FCHSD2: variants seen among roughly 807,000 people sequenced by gnomAD.
FCHSD2 encodes the protein F-BAR and double SH3 domains protein 2.
FCHSD2 carries 38 observed loss-of-function variants against 108.1 expected under a neutral mutation model. The observed-to-expected ratio is 0.35, with a 90% CI of 0.27 to 0.46. The LOEUF (loss-of-function observed/expected upper bound fraction) is 0.46, where lower values mean the gene tolerates loss of function less well. Ranked by LOEUF, FCHSD2 falls within the 20% of genes least tolerant of loss-of-function variation. FCHSD2 has a pLI of 1.00. For synonymous variants in FCHSD2, 279 were observed against 314.7 expected, an observed-to-expected ratio of 0.89 and a Z score of 1.20; for missense variants, 751 against 897.8, an observed-to-expected ratio of 0.84 and a Z score of 2.09.
At chr11:73,134,255 G>T (rs1861070921) in intron 2 of FCHSD2, among the ~76,000 whole-genome samples, 1 of 152,124 alleles carries the variant, frequency 6.6e-6, no homozygotes, top group Non-Finnish European at 1.5e-5. Context: ...AGGATCACTT[G>T]AGCCCAGGAG....
chr11:72,907,213 T>C (rs1488779244), intron 9 of FCHSD2, among the ~76,000 whole-genome samples: 2 of 152,232 alleles, frequency 1.3e-5, no homozygotes, highest in Admixed American at 6.5e-5. Flanking sequence ...AAGTTGCTTA[T>C]CAGCTTAAGG....
At chr11:72,937,681 T>C (rs1856331394) in intron 8 of FCHSD2, among the ~76,000 whole-genome samples, 1 of 152,194 alleles carries the variant, frequency 6.6e-6, no homozygotes, top group South Asian at 2.1e-4. Context: ...CCAAGAACTA[T>C]GCTTAGCATT....
In FCHSD2 at chr11:72,984,372, A is replaced by C. The variant is rs574872788; in HGVS notation, c.577-156T>G. Among the ~76,000 whole-genome samples the C allele has an allele frequency of 3.9e-4, 60 of 152,302 alleles. No homozygotes were observed. The highest frequency in any genetic ancestry group is 6.2e-4 in the South Asian group (3 of 4,832). ...TATACGTATATAAAAATTATTCATCACTACTAAGGAATGAAACAGTGACTA... is the reference window on the plus strand; with the variant it reads ...TATACGTATATAAAAATTATTCATCCCTACTAAGGAATGAAACAGTGACTA... On this transcript the variant is annotated intron_variant, in intron 7 of 19. Transcript: ENST00000409418.
intron 9 of FCHSD2, among the ~76,000 whole-genome samples, chr11:72,911,443 T>A (rs1476582893): frequency 2.0e-5 from 3 of 152,216 alleles, no homozygotes; most frequent in Non-Finnish European, 4.4e-5. Context: ...TTGTTCAGGA[T>A]AGCTGGATAG....
At chr11:73,071,009 T>A (rs1284610884) in intron 3 of FCHSD2, among the ~76,000 whole-genome samples, 2 of 152,188 alleles carry the variant, frequency 1.3e-5, no homozygotes, top group African/African-American at 2.4e-5. Flanking sequence ...ATTTGTCCAA[T>A]TCCACAAGCA....
At chr11:73,015,104 C>A (rs375875859) in intron 4 of FCHSD2, among the ~76,000 whole-genome samples, 8 of 152,218 alleles carry the variant, frequency 5.3e-5, no homozygotes, top group African/African-American at 1.9e-4. Flanking sequence ...TTGGCCTCCC[C>A]AAGTGCTGGG....
chr11:73,074,510 G>C (rs986857261), intron 3 of FCHSD2, among the ~76,000 whole-genome samples: 1 of 151,970 alleles, frequency 6.6e-6, no homozygotes, highest in African/African-American at 2.4e-5. Context: ...AAAAATTCCA[G>C]AACATTGCAT....
At chr11:72,962,601 C>CT (rs10688506) in intron 8 of FCHSD2, among the ~76,000 whole-genome samples, 122,731 of 147,854 alleles carry the variant, frequency 0.83, 51,015 homozygotes, top group East Asian at 1. Context: ...TAAATTCCCC[C>CT]TTTTTTTTTT....
At chr11:72,957,561 A>G (rs1168100714) in intron 8 of FCHSD2, among the ~76,000 whole-genome samples, 2 of 150,980 alleles carry the variant, frequency 1.3e-5, no homozygotes, top group Non-Finnish European at 2.9e-5. Flanking sequence ...GATTTAATAA[A>G]TGATCCTGGA....
chr11:72,865,790 A>G (rs1263903159), intron 13 of FCHSD2, among the ~76,000 whole-genome samples: 5 of 152,200 alleles, frequency 3.3e-5, no homozygotes, highest in Non-Finnish European at 7.3e-5. Flanking sequence ...TCTTTCTTTC[A>G]GAAACCCAAG....
intron 3 of FCHSD2, among the ~76,000 whole-genome samples, chr11:73,081,399 A>T (rs901512247): frequency 6.6e-6 from 1 of 152,146 alleles, no homozygotes; most frequent in Non-Finnish European, 1.5e-5. Flanking sequence ...GCGCCACTGG[A>T]CTCCAGCCTG....
chr11:73,032,033 C>T (rs1223119787), intron 3 of FCHSD2, among the ~76,000 whole-genome samples: 1 of 151,794 alleles, frequency 6.6e-6, no homozygotes, highest in East Asian at 1.9e-4. Context: ...CAATGTTACA[C>T]AATTATTAAA....
At chr11:73,069,255 G>A (rs1288077996) in intron 3 of FCHSD2, among the ~76,000 whole-genome samples, 2 of 138,482 alleles carry the variant, frequency 1.4e-5, no homozygotes, top group African/African-American at 5.5e-5. Context: ...AGGTTGCTGT[G>A]AGCAGAGATC....
intron 2 of FCHSD2, among the ~76,000 whole-genome samples, chr11:73,108,007 T>A (rs979404591): frequency 1.3e-5 from 2 of 152,242 alleles, no homozygotes; most frequent in African/African-American, 4.8e-5. Context: ...TCTCCATAGT[T>A]GTTGTACTAA....
intron 6 of FCHSD2, among the ~76,000 whole-genome samples, chr11:72,987,185 A>G (rs1227948616): frequency 1.3e-5 from 2 of 152,186 alleles, no homozygotes; most frequent in Non-Finnish European, 2.9e-5. Context: ...CAAATCATCT[A>G]TAAAAACTAT....
intron 3 of FCHSD2, among the ~76,000 whole-genome samples, chr11:73,042,870 A>G (rs1293957480): frequency 1.3e-5 from 2 of 152,108 alleles, no homozygotes; most frequent in African/African-American, 4.8e-5. Context: ...TTATTGGTAT[A>G]TAGAAATGCT....
intron 8 of FCHSD2, among the ~76,000 whole-genome samples, chr11:72,982,019 C>G (rs1274982671): frequency 6.6e-6 from 1 of 152,132 alleles, no homozygotes. Context: ...ACCTCTAGGT[C>G]TAATACTTTA....
intron 8 of FCHSD2, among the ~76,000 whole-genome samples, chr11:72,958,664 T>C (rs1296376686): frequency 2.0e-5 from 3 of 152,230 alleles, no homozygotes; most frequent in Non-Finnish European, 2.9e-5. Flanking sequence ...CAATTCCACT[T>C]TCTCCTTTTA....
chr11:72,970,164 C>A (rs1030204548), intron 8 of FCHSD2, among the ~76,000 whole-genome samples: 30 of 152,124 alleles, frequency 2.0e-4, no homozygotes, highest in Admixed American at 2.0e-4. Context: ...TCACTAAAGC[C>A]ACAAATGGCT....
Sources: gnomAD v4.1 joint callset for allele counts (sites outside exome capture counted in the v4.1 genomes callset) on GRCh38, gnomAD v4.1.1 for gene constraint, MANE v1.5 for transcripts, NCBI Gene and HGNC (gene_info 2026-07-23, HGNC 2026-07-21) for gene names.